Variants in PLEKHM3 observed in about 807,000 individuals in gnomAD.
PLEKHM3 encodes the protein pleckstrin homology domain-containing family M member 3.
In PLEKHM3, 45 loss-of-function variants were observed where a neutral mutation model predicts 81.8. The ratio of observed to expected loss-of-function variants is 0.55; its 90% CI spans 0.43 to 0.71. The LOEUF (loss-of-function observed/expected upper bound fraction) is 0.71. Ranked by LOEUF, PLEKHM3 falls within the 30% of genes least tolerant of loss-of-function variation. The probability of loss-of-function intolerance (pLI) is 0.00; values close to 1 mark genes in which losing one functional copy is unlikely to be tolerated. For synonymous variants in PLEKHM3, 352 were observed against 356.4 expected (o/e 0.99, Z 0.14); for missense variants, 788 against 924.3 (o/e 0.85, Z 1.91).
At chr2:207,896,082 C>G (rs1205205902) in intron 6 of PLEKHM3, among the ~76,000 whole-genome samples, 1 of 152,160 alleles carries the variant, frequency 6.6e-6, no homozygotes, top group Non-Finnish European at 1.5e-5. Context: ...TGGCTGGGAG[C>G]CCCCAGAAAG....
At chr2:207,860,877 T>C (rs1003102861) in intron 7 of PLEKHM3, among the ~76,000 whole-genome samples, 3 of 152,192 alleles carry the variant, frequency 2.0e-5, no homozygotes, top group African/African-American at 7.2e-5. Context: ...AGTTAGGCAA[T>C]GTTTCTTTGC....
At chr2:207,890,302 T>G (rs1688021343) in intron 6 of PLEKHM3, among the ~76,000 whole-genome samples, 1 of 152,098 alleles carries the variant, frequency 6.6e-6, no homozygotes, top group Non-Finnish European at 1.5e-5. Context: ...CTTAAATACA[T>G]GACTGTGAAT....
At position 207,822,259 on chromosome 2, in the gene PLEKHM3, C is replaced by T. The variant is rs1405254710; in HGVS notation, c.*6060G>A. 6.6e-6 allele frequency: 1 copy of T among 152,642 alleles called. No homozygotes were observed. The highest frequency in any genetic ancestry group is 2.4e-5 in the African/African-American group (1 of 41,456). 9.5% of individuals were successfully genotyped at this position (152,642 alleles called of 1,614,324 possible). ...TTTTTATCACAATTTATCTAAGAGGCTTCCCACTTCTTATTTGGAAAACAG... is the reference window on the plus strand; with the variant it reads ...TTTTTATCACAATTTATCTAAGAGGTTTCCCACTTCTTATTTGGAAAACAG... On this transcript the variant is annotated 3_prime_UTR_variant, in exon 8 of 8. Transcript: ENST00000427836.
At chr2:207,943,867 CAAAAAAA>C (rs66843432) in intron 4 of PLEKHM3, among the ~76,000 whole-genome samples, 6 of 75,770 alleles carry the variant, frequency 7.9e-5, no homozygotes, top group African/African-American at 1.1e-4. Flanking sequence ...GACTCCGTCT[CAAAAAAA>C]AAAAAAAAAA....
chr2:207,977,476 A>T lies in PLEKHM3; in HGVS notation c.721T>A (p.Tyr241Asn). 3.7e-6 allele frequency: 6 copies of T among 1,614,146 alleles called. No homozygotes were observed. The highest frequency in any genetic ancestry group is 5.1e-6 in the Non-Finnish European group (6 of 1,179,960). ...CCACTGCTGTCGAGGCTGTAGAAGT[A>T]TAAGTTGTAAGGTGAAAGTTCTGCA... ...CYAELSPYNL[Y>N]FYSLDSSGNQ... is the part of the protein sequence containing the mutation. The change falls in exon 3 of 8, where the codon TAC becomes AAC. Residue 241 changes from tyrosine (Y) to asparagine (N), a missense_variant. Transcript: ENST00000427836.
chr2:207,840,799 G>GTTTTTTTTTTTTTTTTTTT (rs1221570591), intron 7 of PLEKHM3, among the ~76,000 whole-genome samples: 4 of 109,796 alleles, frequency 3.6e-5, no homozygotes, highest in Non-Finnish European at 5.4e-5. Flanking sequence ...CACTTTTTAT[G>GTTTTTTTTTTTTTTTTTTT]TTTTTTTTTT....
intron 5 of PLEKHM3, among the ~76,000 whole-genome samples, chr2:207,928,562 T>A (rs1420254582): frequency 6.6e-6 from 1 of 152,290 alleles, no homozygotes; most frequent in Non-Finnish European, 1.5e-5. Flanking sequence ...TGAACTCATT[T>A]AATTCCCACA....
At chr2:207,922,351 T>C (rs1222913095) in intron 5 of PLEKHM3, among the ~76,000 whole-genome samples, 1 of 152,246 alleles carries the variant, frequency 6.6e-6, no homozygotes, top group African/African-American at 2.4e-5. Flanking sequence ...ATCATAATTA[T>C]CTTTATATAC....
At chr2:207,880,538 C>T (rs1298869609) in intron 6 of PLEKHM3, among the ~76,000 whole-genome samples, 1 of 150,400 alleles carries the variant, frequency 6.6e-6, no homozygotes, top group East Asian at 2.0e-4. Flanking sequence ...CCGAGACGGG[C>T]GGATCACGAG....
At chr2:208,007,875 G>A (rs1015388939) in intron 1 of PLEKHM3, among the ~76,000 whole-genome samples, 2 of 152,104 alleles carry the variant, frequency 1.3e-5, no homozygotes, top group African/African-American at 4.8e-5. Flanking sequence ...CTAACATGGT[G>A]AAACCTCATC....
Position 208,003,531 on chromosome 2 carries a change from A to C in PLEKHM3, c.-318-1574T>G, listed in dbSNP as rs547755150. Among the ~76,000 whole-genome samples the C allele has an allele frequency of 2.0e-5, 3 of 152,360 alleles. No homozygotes were observed. The South Asian group carries it at 6.2e-4, about 32-fold the overall frequency. On this transcript the variant is annotated intron_variant, in intron 1 of 7. Coordinates refer to ENST00000427836, the MANE Select transcript of PLEKHM3 (RefSeq NM_001080475.3). ...TTTATTTTAGATCAAGGAGGTTTGC[A>C]GTTCATAGCACCTCTATAGAACCTC...
chr2:207,863,094 G>A (rs902160210), intron 6 of PLEKHM3, among the ~76,000 whole-genome samples: 2 of 152,228 alleles, frequency 1.3e-5, no homozygotes, highest in Non-Finnish European at 2.9e-5. Context: ...TCAATTGAAA[G>A]TCCCTCCCCT....
chr2:207,879,780 A>G (rs767292188), intron 6 of PLEKHM3, among the ~76,000 whole-genome samples: 33 of 152,358 alleles, frequency 2.2e-4, no homozygotes, highest in Non-Finnish European at 3.4e-4. Context: ...GGCTGCCAGA[A>G]AGGCCAAAAT....
intron 4 of PLEKHM3, among the ~76,000 whole-genome samples, chr2:207,942,126 A>G (rs1689959035): frequency 6.6e-6 from 1 of 152,236 alleles, no homozygotes; most frequent in Non-Finnish European, 1.5e-5. Flanking sequence ...TAGATATATA[A>G]CCAAAAGGTG....
At chr2:207,927,694 G>A (rs1412831235) in intron 5 of PLEKHM3, among the ~76,000 whole-genome samples, 1 of 151,842 alleles carries the variant, frequency 6.6e-6, no homozygotes, top group African/African-American at 2.4e-5. Context: ...GCCAGGCGTG[G>A]TGGCACATGC....
chr2:207,831,725 C>T (rs944928565), intron 7 of PLEKHM3, among the ~76,000 whole-genome samples: 5 of 152,190 alleles, frequency 3.3e-5, no homozygotes, highest in African/African-American at 1.2e-4. Context: ...GCATCTTCCT[C>T]TTCCCAGCCC....
chr2:207,957,463 C>A lies in PLEKHM3; in HGVS notation c.1547-10951G>T, dbSNP rs561152857. 2.2e-4 allele frequency among the ~76,000 whole-genome samples: 33 copies of A among 152,294 alleles called. 1 individual carries two copies. Among genetic ancestry groups the A allele is most frequent in the African/African-American group, 7.5e-4 (31 of 41,564 alleles). On this transcript the variant is annotated intron_variant, in intron 3 of 7. Transcript: ENST00000427836. ...CCTGTAATCCCAGCACTTTGGGAGG[C>A]CGAGGCGGGTGGATCATTAGATCAG...
At chr2:207,978,183 C>A (rs1477616745) in intron 2 of PLEKHM3, among the ~76,000 whole-genome samples, 2 of 147,096 alleles carry the variant, frequency 1.4e-5, no homozygotes, top group African/African-American at 4.9e-5. Context: ...GAGCGTGCAA[C>A]ATCAACGTGA....
Position 207,977,224 on chromosome 2 carries a change from G to A in PLEKHM3, c.973C>T (p.Pro325Ser). The change falls in exon 3 of 8, where the codon CCA becomes TCA. Residue 325 changes from proline to serine, a missense_variant. By Grantham distance (74) the Pro-to-Ser change is moderately conservative. Transcript: ENST00000427836. ...MGRQNELTISPGLGHHDDYTQ... is the reference protein window; with the variant it reads ...MGRQNELTISSGLGHHDDYTQ... ...TAGTCATCATGATGGCCAAGCCCTG[G>A]TGAGATTGTCAGCTCATTCTGCCGC... The A allele has an allele frequency of 6.2e-7, 1 of 1,614,104 alleles. No individual in the cohort carries two copies. Among genetic ancestry groups the A allele is most frequent in the Non-Finnish European group, 8.5e-7 (1 of 1,179,998 alleles).
Sources: gnomAD v4.1 joint callset for allele counts (sites outside exome capture counted in the v4.1 genomes callset) on GRCh38, gnomAD v4.1.1 for gene constraint, MANE v1.5 for transcripts, NCBI Gene and HGNC (gene_info 2026-07-23, HGNC 2026-07-21) for gene names.